FAF1: variants seen among roughly 807,000 people sequenced by gnomAD.
FAF1 encodes FAS-associated factor 1.
In FAF1, 25 loss-of-function variants were observed where a neutral mutation model predicts 92.5. The observed-to-expected ratio is 0.27, with a 90% CI of 0.20 to 0.38. The LOEUF is 0.38. Ranked by LOEUF, FAF1 falls within the 10% of genes least tolerant of loss-of-function variation. The pLI is 1.00. For synonymous variants in FAF1, 234 were observed against 273.2 expected, an observed-to-expected ratio of 0.86 and a Z score of 1.42; for missense variants, 636 against 793.3, an observed-to-expected ratio of 0.80 and a Z score of 2.38.
At chr1:50,740,381 G>A (rs1344355715) in intron 5 of FAF1, among the ~76,000 whole-genome samples, 1 of 151,988 alleles carries the variant, frequency 6.6e-6, no homozygotes, top group East Asian at 1.9e-4. Context: ...CTGGGGAGGG[G>A]CAATCTTACA....
rs953039499 is a variant in FAF1, at chr1:50,840,723, T to C, written c.114+17206A>G. Among the ~76,000 whole-genome samples, 8 of 152,168 alleles carry C rather than the reference T, an allele frequency of 5.3e-5. No homozygotes were observed. In the South Asian group the frequency reaches 1.0e-3, roughly 20 times the overall value. On this transcript the variant is annotated intron_variant, in intron 2 of 18. Coordinates refer to ENST00000396153, the MANE Select transcript of FAF1 (RefSeq NM_007051.3). ...ATACTTCTCAGGCCCAATCAGGCAA[T>C]TGATATCAAATTTGACTAAGCAATT... is the stretch of plus-strand genomic sequence containing the variant.
intron 2 of FAF1, among the ~76,000 whole-genome samples, chr1:50,825,718 A>AT (rs1201695440): frequency 1.3e-5 from 2 of 152,194 alleles, no homozygotes; most frequent in Non-Finnish European, 2.9e-5. Context: ...CAGACTAGGC[A>AT]TTCTTTTCAT....
chr1:50,716,828 C>T (rs1424024715), intron 6 of FAF1, among the ~76,000 whole-genome samples: 1 of 152,202 alleles, frequency 6.6e-6, no homozygotes, highest in Non-Finnish European at 1.5e-5. Context: ...GGACTAAAAG[C>T]TGGCCACCCC....
intron 2 of FAF1, among the ~76,000 whole-genome samples, chr1:50,827,389 G>C (rs1173364134): frequency 2.0e-5 from 3 of 152,140 alleles, no homozygotes; most frequent in Non-Finnish European, 4.4e-5. Context: ...TGGATTAAGG[G>C]TGGTGCAAGA....
chr1:50,711,188 A>G (rs1053371364), intron 6 of FAF1, among the ~76,000 whole-genome samples: 19 of 152,110 alleles, frequency 1.2e-4, no homozygotes, highest in Non-Finnish European at 5.9e-5. Context: ...GATTACAGGC[A>G]TGAGCCACCG....
At chr1:50,722,509 C>T (rs112568996) in intron 6 of FAF1, among the ~76,000 whole-genome samples, 3,032 of 152,068 alleles carry the variant, frequency 0.02, 100 homozygotes, top group African/African-American at 0.07. Context: ...ATTAGCCAGG[C>T]GTGGCGGCGG....
chr1:50,649,862 G>A (rs1654778075), intron 8 of FAF1, among the ~76,000 whole-genome samples: 1 of 152,054 alleles, frequency 6.6e-6, no homozygotes, highest in Admixed American at 6.5e-5. Context: ...CTACTCGGGA[G>A]GCTGAGGAGG....
intron 1 of FAF1, among the ~76,000 whole-genome samples, chr1:50,945,752 C>T (rs1336067346): frequency 1.3e-5 from 2 of 152,184 alleles, no homozygotes; most frequent in African/African-American, 4.8e-5. Flanking sequence ...AAGTGGCAGA[C>T]CAAAGAGCTA....
chr1:50,630,826 A>ATTTT lies in FAF1; in HGVS notation c.744+24615_744+24616insAAAA, dbSNP rs1471050080. Among the ~76,000 whole-genome samples the ATTTT allele has an allele frequency of 3.4e-3, 421 of 125,092 alleles. 4 individuals are homozygous for ATTTT. The highest frequency in any genetic ancestry group is 5.3e-3 in the Middle Eastern group (1 of 188). The allele number at this position is 125,092 out of a possible 152,430, so 82.1% of individuals were successfully genotyped here. On this transcript the variant is annotated intron_variant, in intron 8 of 18. Transcript: ENST00000396153. ...CCAGTTTACATATCTAGTGTATCAT[A>ATTTT]TCTTTTTTTTTTTTTTTTTTTTTTG...
chr1:50,809,706 T>C (rs1662347153), intron 2 of FAF1, among the ~76,000 whole-genome samples: 1 of 152,304 alleles, frequency 6.6e-6, no homozygotes, highest in South Asian at 2.1e-4. Context: ...GAAGATCTGA[T>C]ACCATTCTTA....
chr1:50,840,729 T>C (rs1644249064), intron 2 of FAF1, among the ~76,000 whole-genome samples: 1 of 152,044 alleles, frequency 6.6e-6, no homozygotes, highest in African/African-American at 2.4e-5. Flanking sequence ...GCAATTGATA[T>C]CAAATTTGAC....
intron 4 of FAF1, among the ~76,000 whole-genome samples, chr1:50,756,962 T>G (rs1660100706): frequency 6.6e-6 from 1 of 152,240 alleles, no homozygotes; most frequent in African/African-American, 2.4e-5. Flanking sequence ...CATCATGTTT[T>G]CATCACAATT....
intron 1 of FAF1, among the ~76,000 whole-genome samples, chr1:50,893,754 A>G (rs974468189): frequency 1.3e-5 from 2 of 152,194 alleles, no homozygotes; most frequent in African/African-American, 4.8e-5. Context: ...GAAGCCAACC[A>G]AGCTTATATC....
At position 50,661,192 on chromosome 1, in the gene FAF1, T is replaced by C. The variant is rs75895653; in HGVS notation, c.658-5664A>G. On this transcript the variant is annotated intron_variant, in intron 7 of 18. Transcript: ENST00000396153. ...TATACTTTTTAAAAAACACTAATAT[T>C]TTCCCCTTATGAGATCTCATTTAAA... Among the ~76,000 whole-genome samples, 436 of 152,292 alleles carry C rather than the reference T, an allele frequency of 2.9e-3. 4 individuals carry two copies. Among genetic ancestry groups the C allele is most frequent in the African/African-American group, 1.0e-2 (414 of 41,570 alleles).
At chr1:50,809,788 G>T (rs1662351364) in intron 2 of FAF1, among the ~76,000 whole-genome samples, 1 of 152,150 alleles carries the variant, frequency 6.6e-6, no homozygotes, top group Non-Finnish European at 1.5e-5. Flanking sequence ...GCATCATCCT[G>T]ACACCAAAAC....
intron 15 of FAF1, 114 bp downstream of exon 15, chr1:50,535,255 G>A (rs1648412660): frequency 1.5e-6 from 1 of 688,236 alleles, no homozygotes; most frequent in African/African-American, 1.8e-5. Flanking sequence ...ATTTGGAAAT[G>A]CATCTTCATC....
At chr1:50,924,247 C>T (rs1376584782) in intron 1 of FAF1, among the ~76,000 whole-genome samples, 5 of 149,154 alleles carry the variant, frequency 3.4e-5, no homozygotes, top group African/African-American at 9.9e-5. Flanking sequence ...AAACAAAAAT[C>T]GGCAGTACTT....
intron 1 of FAF1, among the ~76,000 whole-genome samples, chr1:50,887,408 T>C (rs1008775274): frequency 1.3e-5 from 2 of 152,214 alleles, no homozygotes; most frequent in Non-Finnish European, 2.9e-5. Context: ...ATTTTGGCTT[T>C]GGTTGCCATT....
chr1:50,579,689 T>G (rs1327319894), intron 12 of FAF1, among the ~76,000 whole-genome samples: 1 of 152,058 alleles, frequency 6.6e-6, no homozygotes, highest in Admixed American at 6.6e-5. Context: ...AAGGAAACAA[T>G]CACACAAATC....
Sources: gnomAD v4.1 joint callset for allele counts (sites outside exome capture counted in the v4.1 genomes callset) on GRCh38, gnomAD v4.1.1 for gene constraint, MANE v1.5 for transcripts, NCBI Gene and HGNC (gene_info 2026-07-23, HGNC 2026-07-21) for gene names.